PDZD2: variants seen among roughly 807,000 people sequenced by gnomAD.
PDZD2 encodes PDZ domain containing 2, also known as PDZ domain-containing protein 2.
A neutral mutation model predicts 220.7 loss-of-function variants in PDZD2; 90 were observed. The ratio of observed to expected loss-of-function variants is 0.41; its 90% CI spans 0.34 to 0.49. The LOEUF (loss-of-function observed/expected upper bound fraction) is 0.49. Among genes scored for constraint, PDZD2 ranks in the 20% least tolerant of loss-of-function variants. PDZD2 has a pLI of 0.28. For synonymous variants in PDZD2, 1,375 were observed against 1,450.5 expected, an observed-to-expected ratio of 0.95 and a Z score of 1.18; for missense variants, 3,174 against 3,608.5, an observed-to-expected ratio of 0.88 and a Z score of 3.08.
At position 32,069,636 on chromosome 5, in the gene PDZD2, C is replaced by A; in HGVS notation, c.2519C>A (p.Ser840Tyr). 6.5e-7 allele frequency: 1 copy of A among 1,528,470 alleles called. No homozygotes were observed. The highest frequency in any genetic ancestry group is 1.4e-5 in the African/African-American group (1 of 73,384). 94.7% of individuals were successfully genotyped at this position (1,528,470 alleles called of 1,614,324 possible). A position where few individuals can be genotyped will look rare whatever the true frequency, so the allele number is the denominator to read the frequency against. ...TATCAGGAGAGCAAAGAGGCCAATT[C>A]CTCTCCTGGCTTAGGTACTGTAATC... ...STYQESKEANSSPGLGTPLKS... is the reference protein window; with the variant it reads ...STYQESKEANYSPGLGTPLKS... The change falls in exon 15 of 25, where the codon TCC (serine) becomes TAC (tyrosine). Residue 840 changes from serine to tyrosine, a missense_variant. Coordinates refer to ENST00000438447, the MANE Select transcript of PDZD2 (RefSeq NM_178140.4).
chr5:32,029,790 C>T (rs895071851), intron 6 of PDZD2, among the ~76,000 whole-genome samples: 9 of 152,208 alleles, frequency 5.9e-5, no homozygotes, highest in Admixed American at 4.6e-4. Flanking sequence ...TCTGTTTGCA[C>T]GCCATGCAGA....
intron 7 of PDZD2, among the ~76,000 whole-genome samples, chr5:32,045,459 T>C (rs1332199238): frequency 1.3e-5 from 2 of 151,852 alleles, no homozygotes; most frequent in Non-Finnish European, 2.9e-5. Context: ...TCTTGCTCTG[T>C]TGCCCAGGCT....
chr5:31,982,376 C>T lies in PDZD2; in HGVS notation c.477-779C>T, dbSNP rs538529386. Among the ~76,000 whole-genome samples, 4 of 152,324 alleles carry T rather than the reference C, an allele frequency of 2.6e-5. No homozygotes were observed. The East Asian group carries it at 7.7e-4, about 29-fold the overall frequency. The stretch of plus-strand genomic sequence containing the variant: ...AGGCTGGAATGCAGTGGCGTGATCT[C>T]GGTTCACTGCAGCCTCTGTCTCCCA... On this transcript the variant is annotated intron_variant, in intron 2 of 24. Coordinates refer to ENST00000438447, the MANE Select transcript of PDZD2 (RefSeq NM_178140.4).
Position 31,934,132 on chromosome 5 carries a change from G to A in PDZD2, c.477-49023G>A, listed in dbSNP as rs149289158. 3.9e-3 allele frequency among the ~76,000 whole-genome samples: 586 copies of A among 152,202 alleles called. 4 individuals are homozygous for A. The highest frequency in any genetic ancestry group is 6.8e-3 in the Middle Eastern group (2 of 294). On this transcript the variant is annotated intron_variant, in intron 2 of 24. Coordinates refer to ENST00000438447, the MANE Select transcript of PDZD2 (RefSeq NM_178140.4). ...TAATACTGTCAGGAATATTTTATAG[G>A]CAAATTTTACCTCTTGTTAGGACTG...
Position 32,048,440 on chromosome 5 carries a change from A to G in PDZD2, c.1520-99A>G, listed in dbSNP as rs80106010. 4.1e-3 allele frequency: 3,990 copies of G among 982,788 alleles called. 104 individuals are homozygous for G. In the African/African-American group the frequency reaches 0.054, roughly 13 times the overall value. 60.9% of individuals were successfully genotyped at this position (982,788 alleles called of 1,614,324 possible). Reference sequence around the variant, plus strand: ...ATTGGACGCTAGGCTTCTCAAAACCATGAAGGTGGGTGTAAATACAATGAG... The same window carrying G: ...ATTGGACGCTAGGCTTCTCAAAACCGTGAAGGTGGGTGTAAATACAATGAG... On this transcript the variant is annotated intron_variant, in intron 7 of 24. Transcript: ENST00000438447.
intron 1 of PDZD2, among the ~76,000 whole-genome samples, chr5:31,752,089 T>TTTTTTTTTTTTTTTTTTTTTA (rs1169621744): frequency 7.1e-6 from 1 of 141,102 alleles, no homozygotes. Context: ...TTTTTTTTTT[T>TTTTTTTTTTTTTTTTTTTTTA]TCTGAGACAA....
chr5:32,031,172 T>A lies in PDZD2; in HGVS notation c.1408-6059T>A, dbSNP rs189424563. 1.5e-3 allele frequency among the ~76,000 whole-genome samples: 224 copies of A among 152,312 alleles called. 5 individuals are homozygous for A. The highest frequency in any genetic ancestry group is 0.013 in the Admixed American group (199 of 15,284). On this transcript the variant is annotated intron_variant, in intron 6 of 24. Coordinates refer to ENST00000438447, the MANE Select transcript of PDZD2 (RefSeq NM_178140.4). Reference sequence around the variant, plus strand: ...CACCCCCACTAATTTAGGAATAACGTAGCATCTCCCTACTTTTGTGACAGA... The same window carrying A: ...CACCCCCACTAATTTAGGAATAACGAAGCATCTCCCTACTTTTGTGACAGA...
intron 1 of PDZD2, among the ~76,000 whole-genome samples, chr5:31,755,628 T>G (rs1751264296): frequency 6.6e-6 from 1 of 151,978 alleles, no homozygotes; most frequent in Non-Finnish European, 1.5e-5. Flanking sequence ...TTTTTTTTTT[T>G]TTTGCAGCTT....
chr5:31,819,908 C>T (rs915889240), intron 2 of PDZD2, among the ~76,000 whole-genome samples: 5 of 152,204 alleles, frequency 3.3e-5, no homozygotes, highest in Non-Finnish European at 4.4e-5. Context: ...AATCATACTA[C>T]GTGCAGAATT....
chr5:31,696,176 G>A (rs755816879), intron 1 of PDZD2, among the ~76,000 whole-genome samples: 1 of 152,170 alleles, frequency 6.6e-6, no homozygotes, highest in Non-Finnish European at 1.5e-5. Context: ...TGGATGGGAT[G>A]TAACATCTGC....
intron 5 of PDZD2, among the ~76,000 whole-genome samples, chr5:32,004,002 G>A (rs1334860201): frequency 6.6e-6 from 1 of 151,980 alleles, no homozygotes; most frequent in Non-Finnish European, 1.5e-5. Context: ...ATGAGCCACT[G>A]CATCCAGCCT....
At chr5:31,731,530 G>A (rs1473156569) in intron 1 of PDZD2, among the ~76,000 whole-genome samples, 3 of 152,108 alleles carry the variant, frequency 2.0e-5, no homozygotes, top group Non-Finnish European at 2.9e-5. Flanking sequence ...TGTGTCTATG[G>A]ATATAACTCT....
Position 31,960,176 on chromosome 5 carries a change from TTTCC to T in PDZD2, c.477-22968_477-22965del, listed in dbSNP as rs567923823. Among the ~76,000 whole-genome samples, 167 of 145,328 alleles carry T rather than the reference TTTCC, an allele frequency of 1.1e-3. 1 individual carries two copies. The highest frequency in any genetic ancestry group is 4.3e-3 in the African/African-American group (152 of 35,004). On this transcript the variant is annotated intron_variant, in intron 2 of 24. Coordinates refer to ENST00000438447, the MANE Select transcript of PDZD2 (RefSeq NM_178140.4). Reference sequence around the variant, plus strand: ...CTAGATGCTTGCTTGCTTTCTTTTCTTTCCTTCCTTCCTTTTCTTTCCTTCCTTT... The same window carrying T: ...CTAGATGCTTGCTTGCTTTCTTTTCTTTCCTTCCTTTTCTTTCCTTCCTTT...
intron 2 of PDZD2, among the ~76,000 whole-genome samples, chr5:31,901,929 G>A (rs1404176948): frequency 1.3e-5 from 2 of 152,150 alleles, no homozygotes; most frequent in Non-Finnish European, 2.9e-5. Flanking sequence ...TGTGACATCT[G>A]TCACTACTTT....
At chr5:31,668,632 G>C (rs1476126181) in intron 1 of PDZD2, among the ~76,000 whole-genome samples, 1 of 152,116 alleles carries the variant, frequency 6.6e-6, no homozygotes, top group East Asian at 1.9e-4. Flanking sequence ...ACCCAGGAGG[G>C]GATTATGTTT....
intron 14 of PDZD2, among the ~76,000 whole-genome samples, chr5:32,067,374 C>T (rs1740309933): frequency 6.6e-6 from 1 of 152,098 alleles, no homozygotes; most frequent in Non-Finnish European, 1.5e-5. Flanking sequence ...AAACAGCAAC[C>T]ACTCTTTAAG....
At chr5:32,082,384 C>T (rs1341147650) in intron 19 of PDZD2, among the ~76,000 whole-genome samples, 1 of 151,998 alleles carries the variant, frequency 6.6e-6, no homozygotes, top group African/African-American at 2.4e-5. Context: ...GAAGGAATAC[C>T]TTATCATTAA....
intron 3 of PDZD2, among the ~76,000 whole-genome samples, chr5:31,995,045 AC>A (rs1435279611): frequency 6.6e-6 from 1 of 152,098 alleles, no homozygotes; most frequent in African/African-American, 2.4e-5. Flanking sequence ...TGGCACCAAG[AC>A]CTGAGCTTTG....
chr5:32,008,136 A>AACAT (rs1752988267), intron 5 of PDZD2, among the ~76,000 whole-genome samples: 1 of 143,904 alleles, frequency 6.9e-6, no homozygotes, highest in Admixed American at 7.0e-5. Context: ...TAAAATAATA[A>AACAT]AAATAAATAA....
Sources: allele counts gnomAD v4.1 joint callset (sites outside exome capture counted in the v4.1 genomes callset), GRCh38; gene constraint gnomAD v4.1.1; transcripts MANE v1.5; gene names NCBI Gene and HGNC (gene_info 2026-07-23, HGNC 2026-07-21).